Variants in ADCY2 observed in about 807,000 individuals in gnomAD.
The protein encoded by ADCY2 is adenylate cyclase type 2.
In ADCY2, 31 loss-of-function variants were observed where a neutral mutation model predicts 125.2. The ratio of observed to expected loss-of-function variants is 0.25; its 90% CI spans 0.19 to 0.33. The LOEUF (loss-of-function observed/expected upper bound fraction) is 0.33. Ranked by LOEUF, ADCY2 falls within the 10% of genes least tolerant of loss-of-function variation. The pLI, the probability that ADCY2 is intolerant of heterozygous loss-of-function variation, is 1.00. For missense variants in ADCY2, 904 were observed against 1,418.2 expected, an observed-to-expected ratio of 0.64 and a Z score of 5.82; for synonymous variants, 512 against 548.4, an observed-to-expected ratio of 0.93 and a Z score of 0.93.
intron 2 of ADCY2, among the ~76,000 whole-genome samples, chr5:7,501,042 A>G (rs1316860117): frequency 6.6e-6 from 1 of 152,040 alleles, no homozygotes; most frequent in Non-Finnish European, 1.5e-5. Context: ...GGTTTCTGAA[A>G]ACGTCTTTAT....
At chr5:7,615,002 C>G (rs1360785581) in intron 3 of ADCY2, among the ~76,000 whole-genome samples, 1 of 152,158 alleles carries the variant, frequency 6.6e-6, no homozygotes, top group Non-Finnish European at 1.5e-5. Flanking sequence ...CCGAGGAGGC[C>G]TCAGGAAACT....
chr5:7,727,316 GC>G, intron 14 of ADCY2, 55 bp downstream of exon 14: 1 of 1,384,776 alleles, frequency 7.2e-7, no homozygotes, highest in Non-Finnish European at 1.0e-6. Context: ...TTCCACTGGA[GC>G]CCAGTTATAT....
At chr5:7,535,702 T>G (rs1734791828) in intron 3 of ADCY2, among the ~76,000 whole-genome samples, 1 of 152,158 alleles carries the variant, frequency 6.6e-6, no homozygotes, top group Non-Finnish European at 1.5e-5. Context: ...ATAGAAGGAT[T>G]GGAGGGAGGA....
intron 2 of ADCY2, among the ~76,000 whole-genome samples, chr5:7,499,139 AT>A (rs1178727001): frequency 1.3e-5 from 2 of 151,954 alleles, no homozygotes; most frequent in Non-Finnish European, 2.9e-5. Flanking sequence ...TCCCCAGTAG[AT>A]GGGACTACAG....
intron 3 of ADCY2, among the ~76,000 whole-genome samples, chr5:7,540,815 C>A (rs1247898638): frequency 6.6e-6 from 1 of 151,896 alleles, no homozygotes; most frequent in Non-Finnish European, 1.5e-5. Flanking sequence ...GCTTTCCCAC[C>A]TTCTATTCTC....
intron 3 of ADCY2, among the ~76,000 whole-genome samples, chr5:7,522,982 G>A (rs912064846): frequency 5.3e-5 from 8 of 151,918 alleles, no homozygotes; most frequent in Non-Finnish European, 1.0e-4. Flanking sequence ...AGCCACTGTG[G>A]GAAATCCCTT....
intron 15 of ADCY2, among the ~76,000 whole-genome samples, chr5:7,757,197 G>GT (rs1354839021): frequency 1.3e-5 from 2 of 152,172 alleles, no homozygotes; most frequent in Non-Finnish European, 2.9e-5. Flanking sequence ...TTTCAGGTCT[G>GT]TTTTAAAAGA....
chr5:7,505,980 A>G (rs1294845328), intron 2 of ADCY2, among the ~76,000 whole-genome samples: 1 of 152,018 alleles, frequency 6.6e-6, no homozygotes, highest in Non-Finnish European at 1.5e-5. Context: ...TTTTTTATGA[A>G]GACCTTACCT....
chr5:7,735,173 A>G (rs941185155), intron 14 of ADCY2, among the ~76,000 whole-genome samples: 1 of 152,224 alleles, frequency 6.6e-6, no homozygotes, highest in Non-Finnish European at 1.5e-5. Context: ...AGAATACTGA[A>G]GAGCCTGAAG....
intron 15 of ADCY2, among the ~76,000 whole-genome samples, chr5:7,750,974 G>A (rs1184625991): frequency 1.3e-5 from 2 of 151,570 alleles, no homozygotes; most frequent in Non-Finnish European, 2.9e-5. Context: ...TTTTATCAGA[G>A]GTATGTTGAA....
chr5:7,822,729 T>C lies in ADCY2; in HGVS notation c.3123+2040T>C, dbSNP rs958136146. Among the ~76,000 whole-genome samples the C allele has an allele frequency of 9.6e-5, 3 of 31,182 alleles. No individual in the cohort carries two copies. The Admixed American group carries it at 1.4e-3, about 15-fold the overall frequency. The allele number at this position is 31,182 out of a possible 152,430, so 20.5% of individuals were successfully genotyped here. On this transcript the variant is annotated intron_variant, in intron 24 of 24. Coordinates refer to ENST00000338316, the MANE Select transcript of ADCY2 (RefSeq NM_020546.3). ...GTGTGCATGTGTGTGTACATGCATG[T>C]GTGTGTGTGTGTGTGTCTGTGCTGA...
At chr5:7,486,457 A>C (rs1042471170) in intron 2 of ADCY2, among the ~76,000 whole-genome samples, 1 of 152,096 alleles carries the variant, frequency 6.6e-6, no homozygotes, top group Non-Finnish European at 1.5e-5. Context: ...CAGTTAAAAC[A>C]AAGCTTTTGT....
chr5:7,723,114 AGAG>A (rs55737611), intron 12 of ADCY2, among the ~76,000 whole-genome samples: 67,744 of 151,308 alleles, frequency 0.45, 16,255 homozygotes, highest in East Asian at 0.94. Flanking sequence ...ACGGACACAT[AGAG>A]GACAATGACA....
intron 3 of ADCY2, among the ~76,000 whole-genome samples, chr5:7,589,712 G>A (rs1393903659): frequency 1.3e-5 from 2 of 152,106 alleles, no homozygotes; most frequent in Admixed American, 6.5e-5. Context: ...CAAATTTCAA[G>A]CATCTGTGAA....
intron 1 of ADCY2, among the ~76,000 whole-genome samples, chr5:7,410,236 A>T (rs1044174562): frequency 1.3e-5 from 2 of 152,148 alleles, no homozygotes; most frequent in African/African-American, 4.8e-5. Flanking sequence ...ACTTCAAAGT[A>T]TTTCACTAAA....
At position 7,826,724 on chromosome 5, in the gene ADCY2, C is replaced by T. The variant is rs774642148; in HGVS notation, c.3129C>T (p.Thr1043=). The change falls in exon 25 of 25, where the codon ACC becomes ACT. Residue 1043 remains threonine (T), a synonymous_variant. Transcript: ENST00000338316. Reference sequence around the variant, plus strand: ...CGTGTTCCTGTGCCTTCTAGGTTACCGAGGAGACGAGCCTCGTCCTGCAGA... The same window carrying T: ...CGTGTTCCTGTGCCTTCTAGGTTACTGAGGAGACGAGCCTCGTCCTGCAGA... The part of the protein sequence containing the change: ...STGVLDKIQV[T]EETSLVLQTL... The T allele has an allele frequency of 1.8e-5, 29 of 1,613,590 alleles. No individual in the cohort carries two copies. Among genetic ancestry groups the T allele is most frequent in the Admixed American group, 5.0e-5 (3 of 59,948 alleles).
intron 3 of ADCY2, among the ~76,000 whole-genome samples, chr5:7,585,554 GT>G (rs1157081257): frequency 6.6e-6 from 1 of 152,186 alleles, no homozygotes. Context: ...TTAAACTGAA[GT>G]TTTCCATAGT....
intron 2 of ADCY2, among the ~76,000 whole-genome samples, chr5:7,489,037 C>A (rs910705294): frequency 8.5e-5 from 13 of 152,168 alleles, no homozygotes; most frequent in Admixed American, 6.5e-4. Context: ...CCCAGTTTAC[C>A]ATTTCTGCAA....
rs573883432 is a variant in ADCY2 at position 7,747,295 on chromosome 5, C to T, written c.1956+3543C>T. 6.0e-4 allele frequency among the ~76,000 whole-genome samples: 91 copies of T among 152,342 alleles called. 1 individual carries two copies. Among genetic ancestry groups the T allele is most frequent in the African/African-American group, 2.1e-3 (87 of 41,578 alleles). ...ACCGTGGGACTGACAATCTGTGTCACGTAGCTTAGCCTCCATCATATAAGA... is the reference window on the plus strand; with the variant it reads ...ACCGTGGGACTGACAATCTGTGTCATGTAGCTTAGCCTCCATCATATAAGA... On this transcript the variant is annotated intron_variant, in intron 15 of 24. Transcript: ENST00000338316.
Sources: allele counts gnomAD v4.1 joint callset (sites outside exome capture counted in the v4.1 genomes callset), GRCh38; gene constraint gnomAD v4.1.1; transcripts MANE v1.5; gene names NCBI Gene and HGNC (gene_info 2026-07-23, HGNC 2026-07-21).